Variants in NLRP1 observed in about 807,000 individuals in gnomAD.
NLRP1 encodes the protein NLR family pyrin domain containing 1, also known as NACHT, LRR and PYD domains-containing protein 1.
NLRP1 carries 94 observed loss-of-function variants against 136.7 expected under a neutral mutation model. The observed-to-expected ratio is 0.69, with a 90% confidence interval of 0.58 to 0.82. The LOEUF (loss-of-function observed/expected upper bound fraction) is 0.82. NLRP1 is among the 40% of genes least tolerant of loss of function. NLRP1 has a pLI of 0.00. For synonymous variants in NLRP1, 690 were observed against 725.1 expected, an observed-to-expected ratio of 0.95 and a Z score of 0.78; for missense variants, 1,575 against 1,802.7, an observed-to-expected ratio of 0.87 and a Z score of 2.29.
intron 12 of NLRP1, among the ~76,000 whole-genome samples, chr17:5,527,355 C>T (rs77672136): frequency 0.017 from 2,652 of 152,288 alleles, 136 homozygotes; most frequent in South Asian, 0.16. Flanking sequence ...GCCCACAGGC[C>T]GCAGGTTGTA....
chr17:5,553,996 T>A (rs923347222), intron 4 of NLRP1, among the ~76,000 whole-genome samples: 4 of 152,202 alleles, frequency 2.6e-5, no homozygotes, highest in African/African-American at 9.7e-5. Context: ...CTCCCTTTGA[T>A]GCAGACACAC....
intron 12 of NLRP1, among the ~76,000 whole-genome samples, chr17:5,527,379 G>A (rs1204755577): frequency 6.6e-6 from 1 of 152,192 alleles, no homozygotes; most frequent in Admixed American, 6.5e-5. Flanking sequence ...GCTTGTGTAC[G>A]GAGTCCAAAG....
At position 5,537,729 on chromosome 17, in the gene NLRP1, G is replaced by A. The variant is rs938725561; in HGVS notation, c.2871-789C>T. On this transcript the variant is annotated intron_variant, in intron 7 of 16. Coordinates refer to ENST00000572272, the MANE Select transcript of NLRP1 (RefSeq NM_033004.4). This position sits in a 1 kb window ranked among gnomAD's most constrained non-coding sequence, Gnocchi z 4.5. ...AGGTTATTCTTCTCAACTAAGTCCCGGCTCCAGGAGGGAAGGAGGTGGAAA... is the reference window on the plus strand; with the variant it reads ...AGGTTATTCTTCTCAACTAAGTCCCAGCTCCAGGAGGGAAGGAGGTGGAAA... Among the ~76,000 whole-genome samples the A allele has an allele frequency of 1.3e-5, 2 of 152,166 alleles. No individual in the cohort carries two copies. Among genetic ancestry groups the A allele is most frequent in the African/African-American group, 2.4e-5 (1 of 41,432 alleles).
At chr17:5,545,988 C>T (rs1485738675) in intron 5 of NLRP1, among the ~76,000 whole-genome samples, 1 of 152,212 alleles carries the variant, frequency 6.6e-6, no homozygotes. Flanking sequence ...GACTTCCCTC[C>T]TCCAATCCTA....
chr17:5,562,984 G>T (rs1914930104), intron 3 of NLRP1, among the ~76,000 whole-genome samples: 2 of 152,180 alleles, frequency 1.3e-5, no homozygotes, highest in Non-Finnish European at 2.9e-5. Flanking sequence ...GTTAGAGCAG[G>T]CAGCTCAGGA....
downstream of NLRP1, among the ~76,000 whole-genome samples, chr17:5,510,876 G>C (rs553382710): frequency 6.6e-6 from 1 of 152,036 alleles, no homozygotes; most frequent in Non-Finnish European, 1.5e-5. Context: ...TCTGGCCTCT[G>C]TTATCACTGG....
At chr17:5,579,380 C>A (rs1905345357) in intron 3 of NLRP1, among the ~76,000 whole-genome samples, 2 of 151,784 alleles carry the variant, frequency 1.3e-5, no homozygotes, top group South Asian at 4.1e-4. Context: ...CAAATCAAAC[C>A]CATAATGAGG....
chr17:5,567,713 T>A (rs1488460669), intron 3 of NLRP1, among the ~76,000 whole-genome samples: 1 of 152,200 alleles, frequency 6.6e-6, no homozygotes, highest in Non-Finnish European at 1.5e-5. Context: ...TCTTTCTGAT[T>A]GAAGTACTCC....
At chr17:5,553,611 G>A in intron 4 of NLRP1, 55 bp from the exon 5 acceptor site, 1 of 1,526,994 alleles carries the variant, frequency 6.5e-7, no homozygotes, top group Non-Finnish European at 9.0e-7. Flanking sequence ...AGGGGTTTGA[G>A]GTGCCCAGCC....
In NLRP1 at chr17:5,583,700, G is replaced by A. The variant is rs1251295901; in HGVS notation, c.258C>T (p.Ala86=). Reference sequence around the variant, plus strand: ...CTGTCCACTCACCTGCCCCTTCCTGGGCTTGGGCGCACAGTGACCTCAGCC... The same window carrying A: ...CTGTCCACTCACCTGCCCCTTCCTGAGCTTGGGCGCACAGTGACCTCAGCC... ...QMGLRSLCAQ[A]QEGAGHSPSF... The change falls in exon 1 of 17, where the codon GCC becomes GCT. Residue 86 remains alanine (A), a synonymous_variant. Coordinates refer to ENST00000572272, the MANE Select transcript of NLRP1 (RefSeq NM_033004.4). This position sits in a 1 kb window ranked among gnomAD's most constrained non-coding sequence, Gnocchi z 4.5. 1 of 1,554,120 alleles carries A rather than the reference G, an allele frequency of 6.4e-7. No individual in the cohort carries two copies. Among genetic ancestry groups the A allele is most frequent in the Non-Finnish European group, 8.7e-7 (1 of 1,149,246 alleles).
At chr17:5,530,739 A>G (rs1910132090) in intron 11 of NLRP1, 35 bp from the exon 12 acceptor site, 2 of 1,547,572 alleles carry the variant, frequency 1.3e-6, no homozygotes, top group African/African-American at 2.7e-5. Flanking sequence ...CACTTACTGC[A>G]CGAACTCACT....
chr17:5,559,902 G>C lies in NLRP1; in HGVS notation c.794C>G (p.Ser265Cys). 6.2e-7 allele frequency: 1 copy of C among 1,614,204 alleles called. No individual in the cohort carries two copies. Among genetic ancestry groups the C allele is most frequent in the Middle Eastern group, 1.6e-4 (1 of 6,062 alleles). ...WEPSVRESLC[S>C]TWPWKNEDFN... ...ATCCTCATTTTTCCAGGGCCATGTG[G>C]AACAGAGGCTCTCTCTCACAGAAGG... The change falls in exon 4 of 17, where the codon TCC (serine) becomes TGC (cysteine). Residue 265 changes from serine (S) to cysteine (C), a missense_variant. Transcript: ENST00000572272.
chr17:5,542,733 T>TCC (rs755736353), intron 5 of NLRP1, among the ~76,000 whole-genome samples: 1 of 45,654 alleles, frequency 2.2e-5, no homozygotes. Context: ...CCTCCCTCCC[T>TCC]CTCCTTCCTT....
Position 5,541,808 on chromosome 17 carries a change from G to A in NLRP1, c.2699+49C>T. The A allele has an allele frequency of 1.3e-6, 2 of 1,568,348 alleles. No individual in the cohort carries two copies. Among genetic ancestry groups the A allele is most frequent in the Non-Finnish European group, 8.8e-7 (1 of 1,141,784 alleles). ...TGCTCTTACCCTCTGCCTGCCTCAT[G>A]GTGGCAGGCAGTTCCCTCCACCTCC... On this transcript the variant is annotated intron_variant, in intron 6 of 16. Coordinates refer to ENST00000572272, the MANE Select transcript of NLRP1 (RefSeq NM_033004.4). This position sits in a 1 kb window ranked among gnomAD's most constrained non-coding sequence, Gnocchi z 4.2.
In NLRP1 at chr17:5,559,874, A is replaced by C. The variant is rs148499417; in HGVS notation, c.822T>G (p.Phe274Leu). 4.3e-4 allele frequency: 687 copies of C among 1,614,192 alleles called. 2 individuals carry two copies. The highest frequency in any genetic ancestry group is 2.3e-3 in the Admixed American group (138 of 60,028). ...CSTWPWKNED[F>L]NQKFTQLLLL... is the part of the protein sequence containing the mutation. ...GTAGCAGCTGTGTGAATTTTTGGTTAAAATCCTCATTTTTCCAGGGCCATG... is the reference window on the plus strand; with the variant it reads ...GTAGCAGCTGTGTGAATTTTTGGTTCAAATCCTCATTTTTCCAGGGCCATG... The change falls in exon 4 of 17, where the codon TTT (phenylalanine) becomes TTG (leucine). Residue 274 changes from phenylalanine (F) to leucine (L), a missense_variant. Phe to Leu is a conservative substitution (Grantham distance 22). Transcript: ENST00000572272.
rs202125502 is a variant in NLRP1, at chr17:5,533,953, T to C, written c.2996A>G (p.Asp999Gly). ...TGTGCTATTACTCATCTCTCCCGTATCCAGGCCCTCAGTAGGGGTCATCAC... is the reference window on the plus strand; with the variant it reads ...TGTGCTATTACTCATCTCTCCCGTACCCAGGCCCTCAGTAGGGGTCATCAC... ...PSVMTPTEGLDTGEMSNSTSS... is the reference protein window; with the variant it reads ...PSVMTPTEGLGTGEMSNSTSS... The change falls in exon 9 of 17, where the codon GAT becomes GGT. Residue 999 changes from aspartate (D) to glycine (G), a missense_variant. Physicochemically the swap from Asp to Gly is moderately conservative, Grantham distance 94. Coordinates refer to ENST00000572272, the MANE Select transcript of NLRP1 (RefSeq NM_033004.4). 4.0e-5 allele frequency: 64 copies of C among 1,613,468 alleles called. No individual in the cohort carries two copies. Among genetic ancestry groups the C allele is most frequent in the Non-Finnish European group, 5.3e-5 (62 of 1,179,576 alleles).
At chr17:5,507,758 G>C (rs1907420127) in intron 15 of NLRP1, among the ~76,000 whole-genome samples, 1 of 152,200 alleles carries the variant, frequency 6.6e-6, no homozygotes, top group Non-Finnish European at 1.5e-5. Flanking sequence ...TTGAACTCGG[G>C]AGGCGGGGGT....
At chr17:5,530,410 T>G in intron 12 of NLRP1, 71 bp downstream of exon 12, 2 of 1,395,444 alleles carry the variant, frequency 1.4e-6, no homozygotes, top group Non-Finnish European at 2.0e-6. Flanking sequence ...TCCCAGGAGA[T>G]TATCATTCTA....
chr17:5,552,580 A>G (rs1219300406), intron 5 of NLRP1, among the ~76,000 whole-genome samples: 1 of 152,126 alleles, frequency 6.6e-6, no homozygotes, highest in African/African-American at 2.4e-5. Context: ...CTATCCCATG[A>G]GTTGCTTTGG....
Sources: gnomAD v4.1 joint callset for allele counts (sites outside exome capture counted in the v4.1 genomes callset) on GRCh38, gnomAD v4.1.1 for gene constraint, Gnocchi (gnomAD v3.1) non-coding constraint, MANE v1.5 for transcripts, NCBI Gene and HGNC (gene_info 2026-07-23, HGNC 2026-07-21) for gene names.